UBE2O: variants seen among roughly 807,000 people sequenced by gnomAD.
The protein encoded by UBE2O is ubiquitin conjugating enzyme E2 O, also known as (E3-independent) E2 ubiquitin-conjugating enzyme.
In UBE2O, 15 loss-of-function variants were observed where a neutral mutation model predicts 125.8. The ratio of observed to expected loss-of-function variants is 0.12; its 90% CI spans 0.08 to 0.18. The LOEUF is 0.18. Ranked by LOEUF, UBE2O falls within the 10% of genes least tolerant of loss-of-function variation. The pLI is 1.00. For synonymous variants in UBE2O, 708 were observed against 703.2 expected (o/e 1.01, Z -0.11); for missense variants, 1,280 against 1,723.6 (o/e 0.74, Z 4.56).
Position 76,402,607 on chromosome 17 carries a change from G to T in UBE2O, c.681C>A (p.Gly227=). ...KNQIILKLSN[G]ARCSMNTEDG... ...CTCTGGTGGTGAGACTCTACCTGGC[G>T]CCGTTGGATAGCTTCAGGATGATCT... Residue 227 remains glycine (G), a synonymous_variant, in exon 4 of 18, where the codon GGC becomes GGA. Transcript: ENST00000319380. This position sits in a 1 kb window ranked among gnomAD's most constrained non-coding sequence, Gnocchi z 5.4. 2.5e-6 allele frequency: 4 copies of T among 1,613,906 alleles called. No individual in the cohort carries two copies. Among genetic ancestry groups the T allele is most frequent in the African/African-American group, 1.3e-5 (1 of 74,992 alleles).
intron 1 of UBE2O, among the ~76,000 whole-genome samples, chr17:76,412,526 G>A (rs1031847698): frequency 6.6e-6 from 1 of 152,026 alleles, no homozygotes; most frequent in Non-Finnish European, 1.5e-5. Context: ...GACCTCAGGG[G>A]CTCCTAACCA....
At position 76,404,289 on chromosome 17, in the gene UBE2O, A is replaced by G. The variant is rs1291176131; in HGVS notation, c.588+917T>C. Among the ~76,000 whole-genome samples, 1 of 152,198 alleles carries G rather than the reference A, an allele frequency of 6.6e-6. No individual in the cohort carries two copies. The highest frequency in any genetic ancestry group is 1.5e-5 in the Non-Finnish European group (1 of 68,030). On this transcript the variant is annotated intron_variant, in intron 3 of 17. Transcript: ENST00000319380. This position sits in a 1 kb window ranked among gnomAD's most constrained non-coding sequence, Gnocchi z 4.3. ...GAGAGACCTGGTGGACACCAACATG[A>G]CCAGGGGTAAAAGTGAACAACCCCA...
intron 1 of UBE2O, among the ~76,000 whole-genome samples, chr17:76,439,447 T>C (rs1289404945): frequency 6.6e-6 from 1 of 152,178 alleles, no homozygotes; most frequent in Non-Finnish European, 1.5e-5. Flanking sequence ...TTATTTGCCT[T>C]TTTTCCTCTC....
chr17:76,395,573 G>A lies in UBE2O; in HGVS notation c.2946+152C>T. The A allele has an allele frequency of 4.8e-6, 4 of 835,552 alleles. No homozygotes were observed. The highest frequency in any genetic ancestry group is 3.7e-6 in the Non-Finnish European group (2 of 537,314). 51.8% of individuals were successfully genotyped at this position (835,552 alleles called of 1,614,324 possible). A position where few individuals can be genotyped will look rare whatever the true frequency, so the allele number is the denominator to read the frequency against. ...CGGCTGAGTCAGCCCTCACCTGACT[G>A]AGCCTGTGACCGCCCCTGTAAAAGG... On this transcript the variant is annotated intron_variant, in intron 15 of 17. Coordinates refer to ENST00000319380, the MANE Select transcript of UBE2O (RefSeq NM_022066.4). The surrounding 1 kb of genome is among the most constrained non-coding windows in gnomAD (Gnocchi z 5.0).
chr17:76,406,106 C>A (rs564245373), intron 1 of UBE2O, among the ~76,000 whole-genome samples: 1 of 152,234 alleles, frequency 6.6e-6, no homozygotes, highest in African/African-American at 2.4e-5. Context: ...TGACCAGCTG[C>A]GGCCTGCACC....
chr17:76,443,304 C>T (rs1021466164), intron 1 of UBE2O, among the ~76,000 whole-genome samples: 2 of 151,312 alleles, frequency 1.3e-5, no homozygotes, highest in Admixed American at 1.3e-4. Context: ...TATTTTTTTC[C>T]TCGAGAAAGA....
At position 76,404,227 on chromosome 17, in the gene UBE2O, C is replaced by T. The variant is rs1422393777; in HGVS notation, c.588+979G>A. Reference sequence around the variant, plus strand: ...TCTGGGACTACGTTCCCACAAAATACAATCACTTAAAGGGGGTAAATGGTG... The same window carrying T: ...TCTGGGACTACGTTCCCACAAAATATAATCACTTAAAGGGGGTAAATGGTG... On this transcript the variant is annotated intron_variant, in intron 3 of 17. Transcript: ENST00000319380. The surrounding 1 kb of genome is among the most constrained non-coding windows in gnomAD (Gnocchi z 4.3). Among the ~76,000 whole-genome samples, 1 of 152,178 alleles carries T rather than the reference C, an allele frequency of 6.6e-6. No individual in the cohort carries two copies. The highest frequency in any genetic ancestry group is 1.5e-5 in the Non-Finnish European group (1 of 68,028).
intron 1 of UBE2O, among the ~76,000 whole-genome samples, chr17:76,437,267 G>A (rs867887531): frequency 4.0e-5 from 6 of 151,762 alleles, no homozygotes; most frequent in Middle Eastern, 3.4e-3. Context: ...TGGCTAACAC[G>A]GTGAAACCCC....
intron 1 of UBE2O, among the ~76,000 whole-genome samples, chr17:76,433,496 T>C (rs2072935401): frequency 6.6e-6 from 1 of 151,354 alleles, no homozygotes; most frequent in Non-Finnish European, 1.5e-5. Flanking sequence ...GAAAATGTTC[T>C]AAAATTAGAT....
chr17:76,421,690 A>T (rs1412329606), intron 1 of UBE2O, among the ~76,000 whole-genome samples: 1 of 152,174 alleles, frequency 6.6e-6, no homozygotes, highest in Non-Finnish European at 1.5e-5. Flanking sequence ...CTATTTTCCC[A>T]GGGATGGAGT....
At chr17:76,392,171 A>T in intron 15 of UBE2O, 58 bp from the exon 16 acceptor site, 2 of 1,134,564 alleles carry the variant, frequency 1.8e-6, no homozygotes, top group Non-Finnish European at 2.4e-6. Context: ...GGGGTGTCCT[A>T]CATGTGGCAT....
In UBE2O at chr17:76,402,665, C is replaced by G. The variant is rs137873848; in HGVS notation, c.623G>C (p.Cys208Ser). 1.2e-6 allele frequency: 2 copies of G among 1,614,036 alleles called. No individual in the cohort carries two copies. Among genetic ancestry groups the G allele is most frequent in the Admixed American group, 1.7e-5 (1 of 59,992 alleles). ...FMYGDYIAYD[C>S]WLGKVYDLKN... The stretch of plus-strand genomic sequence containing the variant: ...CAAGTCGTAGACCTTCCCCAGCCAG[C>G]AGTCATAGGCAATGTAGTCCCCATA... The change falls in exon 4 of 18, where the codon TGC (cysteine) becomes TCC (serine). Residue 208 changes from cysteine to serine, a missense_variant. Cys to Ser is a moderately radical substitution (Grantham distance 112, BLOSUM62 -1). This residue lies in a region of UBE2O where 206 missense variants were observed against 315.7 expected (regional missense o/e 0.65). Coordinates refer to ENST00000319380, the MANE Select transcript of UBE2O (RefSeq NM_022066.4). This position sits in a 1 kb window ranked among gnomAD's most constrained non-coding sequence, Gnocchi z 5.4.
chr17:76,395,625 C>T lies in UBE2O; in HGVS notation c.2946+100G>A. ...GGGTGGGTGAGTGTCCTCGCAGGTG[C>T]CAGTCAGCCCCGGAGGTTTGGGGAC... On this transcript the variant is annotated intron_variant, in intron 15 of 17. Coordinates refer to ENST00000319380, the MANE Select transcript of UBE2O (RefSeq NM_022066.4). This position sits in a 1 kb window ranked among gnomAD's most constrained non-coding sequence, Gnocchi z 5.0. 1 of 1,444,766 alleles carries T rather than the reference C, an allele frequency of 6.9e-7. No individual in the cohort carries two copies. The highest frequency in any genetic ancestry group is 9.3e-7 in the Non-Finnish European group (1 of 1,074,884). 89.5% of individuals were successfully genotyped at this position (1,444,766 alleles called of 1,614,324 possible).
At position 76,444,857 on chromosome 17, in the gene UBE2O, T is replaced by A. The variant is rs150921393; in HGVS notation, c.417+7868A>T. Among the ~76,000 whole-genome samples the A allele has an allele frequency of 6.8e-4, 104 of 152,354 alleles. No homozygotes were observed. In the Middle Eastern group the frequency reaches 0.01, roughly 15 times the overall value. ...TCAGAGCACATGAATACCGGGATGC[T>A]TTCAGCACTGCATATGTCAAGCCCT... On this transcript the variant is annotated intron_variant, in intron 1 of 17. Coordinates refer to ENST00000319380, the MANE Select transcript of UBE2O (RefSeq NM_022066.4).
At chr17:76,430,467 C>T in intron 1 of UBE2O, 1 of 251,846 alleles carries the variant, frequency 4.0e-6, no homozygotes, top group East Asian at 1.3e-4. Context: ...CTGTTGGCAG[C>T]AGCTCCATTT....
chr17:76,399,038 C>T lies in UBE2O; in HGVS notation c.1629-47G>A, dbSNP rs779579318. 6.9e-6 allele frequency: 11 copies of T among 1,599,350 alleles called. No individual in the cohort carries two copies. The highest frequency in any genetic ancestry group is 1.7e-4 in the Middle Eastern group (1 of 5,800). On this transcript the variant is annotated intron_variant, in intron 9 of 17. Transcript: ENST00000319380. This position sits in a 1 kb window ranked among gnomAD's most constrained non-coding sequence, Gnocchi z 6.9. ...CAGGCCATGCAAACCCCACCCCCTC[C>T]GCGGAAAGGGCAGAGAGTCTTTCTG... is the stretch of plus-strand genomic sequence containing the variant.
intron 1 of UBE2O, among the ~76,000 whole-genome samples, chr17:76,444,272 G>A (rs920407432): frequency 2.0e-5 from 3 of 152,070 alleles, no homozygotes; most frequent in African/African-American, 7.2e-5. Flanking sequence ...TGGTCAGCTA[G>A]GCACCGTGGC....
chr17:76,433,607 CTT>C (rs59625228), intron 1 of UBE2O, among the ~76,000 whole-genome samples: 132,479 of 150,282 alleles, frequency 0.88, 58,492 homozygotes, highest in East Asian at 1. Context: ...CTCAATAAAC[CTT>C]TTTTTTTTTA....
At chr17:76,406,752 T>A (rs1390142206) in intron 1 of UBE2O, among the ~76,000 whole-genome samples, 1 of 126,982 alleles carries the variant, frequency 7.9e-6, no homozygotes, top group East Asian at 2.6e-4. Flanking sequence ...CAAACTGGAG[T>A]GCAATGGCGC....
Sources: gnomAD v4.1 joint callset for allele counts (sites outside exome capture counted in the v4.1 genomes callset) on GRCh38, gnomAD v4.1.1 for gene constraint, gnomAD v4.1.1 regional missense constraint, Gnocchi (gnomAD v3.1) non-coding constraint, MANE v1.5 for transcripts, NCBI Gene and HGNC (gene_info 2026-07-23, HGNC 2026-07-21) for gene names.